LMNB1: variants seen among roughly 807,000 people sequenced by gnomAD.
LMNB1 encodes the protein lamin-B1.
Under a neutral mutation model 67.1 loss-of-function variants are expected in LMNB1, and 23 were observed. The observed-to-expected ratio is 0.34, with a 90% CI of 0.25 to 0.49. The LOEUF (loss-of-function observed/expected upper bound fraction) is 0.49. Among genes scored for constraint, LMNB1 ranks in the 20% least tolerant of loss-of-function variants. LMNB1 has a pLI of 0.99. For synonymous variants in LMNB1, 281 were observed against 282.9 expected, an observed-to-expected ratio of 0.99 and a Z score of 0.07; for missense variants, 634 against 746.5, an observed-to-expected ratio of 0.85 and a Z score of 1.76.
chr5:126,818,561 G>T (rs1751782638), intron 5 of LMNB1, among the ~76,000 whole-genome samples: 1 of 152,162 alleles, frequency 6.6e-6, no homozygotes, highest in African/African-American at 2.4e-5. Flanking sequence ...ATCTTTTTAA[G>T]TTCTTTATTT....
chr5:126,808,159 A>T (rs578028588), intron 3 of LMNB1, among the ~76,000 whole-genome samples: 2 of 150,750 alleles, frequency 1.3e-5, no homozygotes, highest in South Asian at 2.1e-4. Flanking sequence ...GTTGTGAGCC[A>T]CCGCACCTGG....
Position 126,825,977 on chromosome 5 carries a change from G to T in LMNB1, c.1492-11G>T, listed in dbSNP as rs201050320. Reference sequence around the variant, plus strand: ...GTTCTGGGTGTACTGACATGCTTTGGTTTTTTACAGATTTGGGCTGCAAAC... The same window carrying T: ...GTTCTGGGTGTACTGACATGCTTTGTTTTTTTACAGATTTGGGCTGCAAAC... On this transcript the variant is annotated splice_polypyrimidine_tract_variant and intron_variant, in intron 8 of 10. Transcript: ENST00000261366. The T allele has an allele frequency of 1.1e-3, 1,713 of 1,613,450 alleles. 6 individuals are homozygous for T. Among genetic ancestry groups the T allele is most frequent in the South Asian group, 2.6e-3 (241 of 91,048 alleles).
intron 1 of LMNB1, among the ~76,000 whole-genome samples, chr5:126,799,359 G>A (rs1363418879): frequency 1.3e-5 from 2 of 152,246 alleles, no homozygotes; most frequent in African/African-American, 4.8e-5. Flanking sequence ...TAAGGAGGAA[G>A]AGGAAAAATA....
At chr5:126,824,162 A>G (rs1245767478) in intron 8 of LMNB1, among the ~76,000 whole-genome samples, 1 of 152,226 alleles carries the variant, frequency 6.6e-6, no homozygotes, top group Non-Finnish European at 1.5e-5. Context: ...GGAACATGGT[A>G]GTAATAAGTG....
rs180896726 is a variant in LMNB1, at chr5:126,812,825, G to A, written c.939+927G>A. ...GGCTCACTGTGAGCTCCGCCTCCCGGGTTCACGCCATTCTCCTGCCTCAGC... is the reference window on the plus strand; with the variant it reads ...GGCTCACTGTGAGCTCCGCCTCCCGAGTTCACGCCATTCTCCTGCCTCAGC... On this transcript the variant is annotated intron_variant, in intron 5 of 10. Transcript: ENST00000261366. Among the ~76,000 whole-genome samples, 671 of 150,800 alleles carry A rather than the reference G, an allele frequency of 4.4e-3. 11 individuals are homozygous for A. Among genetic ancestry groups the A allele is most frequent in the African/African-American group, 0.016 (644 of 40,928 alleles).
chr5:126,811,083 A>G (rs1369732797), intron 4 of LMNB1, among the ~76,000 whole-genome samples: 2 of 152,224 alleles, frequency 1.3e-5, no homozygotes, highest in African/African-American at 4.8e-5. Context: ...TATCTATTGT[A>G]TGAAGTAGCA....
intron 9 of LMNB1, among the ~76,000 whole-genome samples, chr5:126,828,821 A>G (rs1752063162): frequency 1.3e-5 from 2 of 151,978 alleles, no homozygotes; most frequent in South Asian, 4.2e-4. Flanking sequence ...CGGCCTCCCA[A>G]AGTGCTGGGA....
At position 126,811,938 on chromosome 5, in the gene LMNB1, C is replaced by G. The variant is rs756302980; in HGVS notation, c.939+40C>G. Reference sequence around the variant, plus strand: ...TTCTGTAAGAAGTTAGACTTGAAGGCTACCTTCACCACGGGCACCTACCTG... The same window carrying G: ...TTCTGTAAGAAGTTAGACTTGAAGGGTACCTTCACCACGGGCACCTACCTG... On this transcript the variant is annotated intron_variant, in intron 5 of 10. Transcript: ENST00000261366. 26 of 1,585,756 alleles carry G rather than the reference C, an allele frequency of 1.6e-5. No individual in the cohort carries two copies. The South Asian group carries it at 2.9e-4, about 18-fold the overall frequency.
At chr5:126,778,158 G>T (rs1005651344) in intron 1 of LMNB1, among the ~76,000 whole-genome samples, 3 of 152,128 alleles carry the variant, frequency 2.0e-5, no homozygotes, top group Admixed American at 2.0e-4. Flanking sequence ...CCGAGAAGGA[G>T]CTCCCGCTTT....
chr5:126,777,443 C>T lies in LMNB1; in HGVS notation c.-66C>T. On this transcript the variant is annotated 5_prime_UTR_variant, in exon 1 of 11. Transcript: ENST00000261366. ...GTGCCTTCGGTCCCCGCTTCGCCCC[C>T]TGCCGTCCCCTCCTTATCACGGTCC... 3 of 1,266,514 alleles carry T rather than the reference C, an allele frequency of 2.4e-6. No individual in the cohort carries two copies. Among genetic ancestry groups the T allele is most frequent in the Non-Finnish European group, 3.0e-6 (3 of 1,009,304 alleles). The allele number at this position is 1,266,514 out of a possible 1,614,324, so 78.5% of individuals were successfully genotyped here.
At chr5:126,826,773 CCCTAGCGAATCA>C (rs1752007150) in intron 9 of LMNB1, among the ~76,000 whole-genome samples, 1 of 152,152 alleles carries the variant, frequency 6.6e-6, no homozygotes, top group African/African-American at 2.4e-5. Flanking sequence ...CCTTGTCTTT[CCCTAGCGAATCA>C]CCTTATCCAG....
chr5:126,800,644 C>CTTTTTTT (rs35363581), intron 1 of LMNB1, among the ~76,000 whole-genome samples: 2 of 53,944 alleles, frequency 3.7e-5, no homozygotes, highest in Non-Finnish European at 6.6e-5. Context: ...ACTGTATCTT[C>CTTTTTTT]TTTTTTTTTT....
chr5:126,786,629 C>T (rs767580867), intron 1 of LMNB1, among the ~76,000 whole-genome samples: 15 of 152,052 alleles, frequency 9.9e-5, no homozygotes, highest in Non-Finnish European at 1.8e-4. Context: ...TCTGGTTTAC[C>T]GACATGTAGC....
intron 1 of LMNB1, among the ~76,000 whole-genome samples, chr5:126,788,009 A>G (rs962194664): frequency 6.6e-6 from 1 of 152,118 alleles, no homozygotes; most frequent in African/African-American, 2.4e-5. Context: ...TAGTAAGAAC[A>G]CTTGGGGAGT....
intron 1 of LMNB1, among the ~76,000 whole-genome samples, chr5:126,802,049 C>A (rs953411387): frequency 3.9e-5 from 6 of 152,118 alleles, no homozygotes; most frequent in Non-Finnish European, 7.4e-5. Context: ...GTGAACTAGG[C>A]ATTTTGGTTG....
chr5:126,792,386 G>T (rs534721825), intron 1 of LMNB1, among the ~76,000 whole-genome samples: 2 of 150,638 alleles, frequency 1.3e-5, no homozygotes, highest in South Asian at 4.2e-4. Flanking sequence ...CAGGTGATTC[G>T]CCTGCCTCCC....
chr5:126,787,546 A>ATTTTTTTTTTT lies in LMNB1; in HGVS notation c.359+9687_359+9697dup, dbSNP rs142332901. Among the ~76,000 whole-genome samples, 9 of 65,580 alleles carry ATTTTTTTTTTT rather than the reference A, an allele frequency of 1.4e-4. 1 individual carries two copies. Among genetic ancestry groups the ATTTTTTTTTTT allele is most frequent in the African/African-American group, 2.6e-4 (4 of 15,236 alleles). 43.0% of individuals were successfully genotyped at this position (65,580 alleles called of 152,430 possible). A position where few individuals can be genotyped will look rare whatever the true frequency, so the allele number is the denominator to read the frequency against. On this transcript the variant is annotated intron_variant, in intron 1 of 10. Coordinates refer to ENST00000261366, the MANE Select transcript of LMNB1 (RefSeq NM_005573.4). ...GGGGTATATATATATATATATATATATTTTTTTTTTTTTTTTTTGAGATAG... is the reference window on the plus strand; with the variant it reads ...GGGGTATATATATATATATATATATATTTTTTTTTTTTTTTTTTTTTTTTTTTTTGAGATAG...
intron 1 of LMNB1, among the ~76,000 whole-genome samples, chr5:126,783,002 C>G (rs1750670058): frequency 6.6e-6 from 1 of 151,356 alleles, no homozygotes; most frequent in East Asian, 2.0e-4. Context: ...GAGTTCGAGA[C>G]CAGCCTGACC....
chr5:126,800,951 C>CTATATATATATATATATATA (rs57113826), intron 1 of LMNB1, among the ~76,000 whole-genome samples: 2 of 47,306 alleles, frequency 4.2e-5, no homozygotes, highest in African/African-American at 6.8e-5. Context: ...TGCAGCCAGA[C>CTATATATATATATATATATA]TATATATATA....
Sources: gnomAD v4.1 joint callset for allele counts (sites outside exome capture counted in the v4.1 genomes callset) on GRCh38, gnomAD v4.1.1 for gene constraint, MANE v1.5 for transcripts, NCBI Gene and HGNC (gene_info 2026-07-23, HGNC 2026-07-21) for gene names.